The following MANSC1 variants were observed in gnomAD, a reference collection of about 807,000 sequenced individuals.
The protein encoded by MANSC1 is MANSC domain-containing protein 1.
In MANSC1, 13 loss-of-function variants were observed where a neutral mutation model predicts 14.1. The ratio of observed to expected loss-of-function variants is 0.92; its 90% CI spans 0.60 to 1.46. MANSC1 has a LOEUF of 1.46. Ranked by LOEUF, MANSC1 falls within the 40% of genes most tolerant of loss-of-function variation. MANSC1 has a pLI of 0.00. For synonymous variants in MANSC1, 227 were observed against 200.7 expected, an observed-to-expected ratio of 1.13 and a Z score of -1.11; for missense variants, 486 against 511.4, an observed-to-expected ratio of 0.95 and a Z score of 0.48.
intron 2 of MANSC1, among the ~76,000 whole-genome samples, chr12:12,339,719 T>C (rs147467758): frequency 1.8e-4 from 28 of 152,344 alleles, no homozygotes; most frequent in African/African-American, 6.5e-4. Flanking sequence ...CCATTCTTTG[T>C]GTTTTTCTTC....
chr12:12,343,837 C>A (rs903519721), intron 1 of MANSC1, among the ~76,000 whole-genome samples: 1 of 152,094 alleles, frequency 6.6e-6, no homozygotes, highest in African/African-American at 2.4e-5. Flanking sequence ...AGGGGCTAGG[C>A]GTGGTAGCTC....
At chr12:12,342,597 T>G (rs67866131) in intron 2 of MANSC1, among the ~76,000 whole-genome samples, 7,864 of 145,448 alleles carry the variant, frequency 0.054, 413 homozygotes, top group East Asian at 0.31. Flanking sequence ...TTTTTTTTTT[T>G]TTTTTTTTTT....
chr12:12,332,956 C>T (rs565384356), intron 3 of MANSC1, among the ~76,000 whole-genome samples: 4 of 151,790 alleles, frequency 2.6e-5, no homozygotes, highest in Admixed American at 1.3e-4. Context: ...ACTATTTGGC[C>T]CTTGGCAGAA....
Position 12,330,811 on chromosome 12 carries a change from G to T in MANSC1, c.512C>A (p.Thr171Lys). The change falls in exon 4 of 4, where the codon ACA becomes AAA. Residue 171 changes from threonine (T) to lysine (K), a missense_variant. Transcript: ENST00000535902. ...TGAGGATCCAAACTTCTGAGAAAGT[G>T]TGTCTCTCCATGAGATATCGGTGGG... ...SKPTDISWRD[T>K]LSQKFGSSDH... 1 of 1,614,164 alleles carries T rather than the reference G, an allele frequency of 6.2e-7. No homozygotes were observed. The highest frequency in any genetic ancestry group is 8.5e-7 in the Non-Finnish European group (1 of 1,180,024).
intron 3 of MANSC1, among the ~76,000 whole-genome samples, chr12:12,333,792 C>G (rs1862823085): frequency 6.6e-6 from 1 of 152,220 alleles, no homozygotes; most frequent in Admixed American, 6.5e-5. Flanking sequence ...TATTCTATGT[C>G]TGAATTCTCC....
intron 3 of MANSC1, among the ~76,000 whole-genome samples, chr12:12,337,845 G>A (rs1862878940): frequency 6.6e-6 from 1 of 152,130 alleles, no homozygotes; most frequent in African/African-American, 2.4e-5. Context: ...TAAGTTCCAT[G>A]AACATGGAGA....
At chr12:12,344,914 CCCATATATATAT>C (rs1565805902) in intron 1 of MANSC1, among the ~76,000 whole-genome samples, 2 of 49,324 alleles carry the variant, frequency 4.1e-5, no homozygotes, top group African/African-American at 1.5e-4. Flanking sequence ...TTAATAAACT[CCCATATATATAT>C]ATATATATAT....
chr12:12,338,687 G>T, intron 2 of MANSC1, 127 bp from the exon 3 acceptor site: 1 of 825,246 alleles, frequency 1.2e-6, no homozygotes, highest in Non-Finnish European at 1.9e-6. Flanking sequence ...TCACTTGCTT[G>T]CTGACCGCTG....
intron 3 of MANSC1, among the ~76,000 whole-genome samples, chr12:12,331,345 G>A (rs1862787128): frequency 6.6e-6 from 1 of 152,212 alleles, no homozygotes; most frequent in Admixed American, 6.5e-5. Context: ...GTGTGGAGGA[G>A]GACCAGGCAA....
intron 2 of MANSC1, among the ~76,000 whole-genome samples, chr12:12,339,584 A>AAGC (rs1279172726): frequency 1.3e-5 from 2 of 152,100 alleles, no homozygotes; most frequent in African/African-American, 4.8e-5. Flanking sequence ...TGGATTCTGA[A>AAGC]AGCATCTCAG....
At chr12:12,338,889 AAAC>A in intron 2 of MANSC1, 1 of 326,362 alleles carries the variant, frequency 3.1e-6, no homozygotes, top group Non-Finnish European at 5.6e-6. Flanking sequence ...ACACACACAC[AAAC>A]ACACACACAC....
rs943130377 is a variant in MANSC1, at chr12:12,330,129, C to A, written c.1194G>T (p.Val398=). The change falls in exon 4 of 4, where the codon GTG becomes GTT. Residue 398 remains valine, a synonymous_variant. Coordinates refer to ENST00000535902, the MANE Select transcript of MANSC1 (RefSeq NM_018050.4). ...GSLLFGVLFL[V]IGLVLLGRIL... ...TTCTACCCAGGAGGACGAGGCCTAT[C>A]ACCAGGAACAGGACACCAAAGAGCA... 3 of 1,614,000 alleles carry A rather than the reference C, an allele frequency of 1.9e-6. No homozygotes were observed. The highest frequency in any genetic ancestry group is 2.5e-6 in the Non-Finnish European group (3 of 1,180,028).
Position 12,330,103 on chromosome 12 carries a change from AT to A in MANSC1, c.1219del (p.Ile407SerfsTer17). The A allele has an allele frequency of 6.2e-7, 1 of 1,614,120 alleles. No individual in the cohort carries two copies. ...LVIGLVLLGR[I>X]LSESLRRKRY... ...TTTCCTGCGGAGTGATTCCGAGAGGATTCTACCCAGGAGGACGAGGCCTATC... is the reference window on the plus strand; with the variant it reads ...TTTCCTGCGGAGTGATTCCGAGAGGATCTACCCAGGAGGACGAGGCCTATC... On this transcript the variant is annotated frameshift_variant, in exon 4 of 4. Transcript: ENST00000535902. LOFTEE classifies it high-confidence loss of function.
At chr12:12,347,323 G>A (rs73279305) in intron 1 of MANSC1, among the ~76,000 whole-genome samples, 15,081 of 152,122 alleles carry the variant, frequency 0.099, 771 homozygotes, top group Non-Finnish European at 0.12. Flanking sequence ...CCTCACATGT[G>A]CAGTTCACAA....
At position 12,329,722 on chromosome 12, in the gene MANSC1, A is replaced by T; in HGVS notation, c.*305T>A. On this transcript the variant is annotated 3_prime_UTR_variant, in exon 4 of 4. Transcript: ENST00000535902. ...AACATGGTGAAACCCCGTCTCTACT[A>T]AAAATACAAAAATCACCCAGGTGTG... 3.9e-6 allele frequency: 1 copy of T among 255,124 alleles called. No homozygotes were observed. Among genetic ancestry groups the T allele is most frequent in the Non-Finnish European group, 7.6e-6 (1 of 132,244 alleles). 15.8% of individuals were successfully genotyped at this position (255,124 alleles called of 1,614,324 possible).
chr12:12,343,483 T>C (rs1033480398), intron 1 of MANSC1, 69 bp from the exon 2 acceptor site: 15 of 573,690 alleles, frequency 2.6e-5, no homozygotes, highest in Non-Finnish European at 3.7e-5. Context: ...AACATTTCAT[T>C]TCCTTAAAGT....
rs531831130 is a variant in MANSC1, at chr12:12,338,424, A to G, written c.360T>C (p.Ile120=). 2 of 1,593,604 alleles carry G rather than the reference A, an allele frequency of 1.3e-6. No individual in the cohort carries two copies. Among genetic ancestry groups the G allele is most frequent in the Non-Finnish European group, 1.7e-6 (2 of 1,173,996 alleles). Residue 120 remains isoleucine (I), a synonymous_variant, in exon 3 of 4, where the codon ATT becomes ATC. Transcript: ENST00000535902. ...AAAGTATAATGCTTTCATTACCTGT[A>G]ATTATCCTGTAACTCATAAGTCCTT... ...PAKGLMSYRI[I]TDFPSLTRNL... is the part of the protein sequence containing the mutation.
In MANSC1 at chr12:12,350,186, C is replaced by T. The variant is rs1002417100; in HGVS notation, c.-209G>A. 2.0e-5 allele frequency: 3 copies of T among 152,234 alleles called. No homozygotes were observed. The highest frequency in any genetic ancestry group is 4.8e-5 in the African/African-American group (2 of 41,456). The allele number at this position is 152,234 out of a possible 1,614,324, so 9.4% of individuals were successfully genotyped here. On this transcript the variant is annotated 5_prime_UTR_variant, in exon 1 of 4. Transcript: ENST00000535902. ...TCCGCGCGGGGGTCTCGGCGAGGACCGCAGCGGATGCTCCGCAGCTCCCGC... is the reference window on the plus strand; with the variant it reads ...TCCGCGCGGGGGTCTCGGCGAGGACTGCAGCGGATGCTCCGCAGCTCCCGC...
At position 12,330,387 on chromosome 12, in the gene MANSC1, G is replaced by A; in HGVS notation, c.936C>T (p.Asp312=). The A allele has an allele frequency of 6.2e-7, 1 of 1,614,236 alleles. No homozygotes were observed. Among genetic ancestry groups the A allele is most frequent in the Non-Finnish European group, 8.5e-7 (1 of 1,180,038 alleles). ...GTATGGTTTCTAAGCTGCCTTTCGAGTCCGTAGGTGCCTGAAAGGTGGTAG... is the reference window on the plus strand; with the variant it reads ...GTATGGTTTCTAAGCTGCCTTTCGAATCCGTAGGTGCCTGAAAGGTGGTAG... ...VLTTTFQAPT[D]SKGSLETIPF... is the part of the protein sequence containing the mutation. Residue 312 remains aspartate (D), a synonymous_variant, in exon 4 of 4, where the codon GAC becomes GAT. Coordinates refer to ENST00000535902, the MANE Select transcript of MANSC1 (RefSeq NM_018050.4).
Sources: allele counts gnomAD v4.1 joint callset (sites outside exome capture counted in the v4.1 genomes callset), GRCh38; gene constraint gnomAD v4.1.1; transcripts MANE v1.5; gene names NCBI Gene and HGNC (gene_info 2026-07-23, HGNC 2026-07-21).